PCA3: variants seen among roughly 807,000 people sequenced by gnomAD.
PCA3 encodes the protein prostate cancer associated 3, also known as Differential Display code 3.
At chr9:76,774,239 G>C (rs541546273) in intron 2 of PCA3, among the ~76,000 whole-genome samples, 1 of 150,830 alleles carries the variant, frequency 6.6e-6, no homozygotes, top group Non-Finnish European at 1.5e-5. Context: ...AGGCTCAAGC[G>C]ATCCTCCCAC....
At chr9:76,776,945 C>CAA (rs2053864046) in intron 2 of PCA3, among the ~76,000 whole-genome samples, 2 of 138,670 alleles carry the variant, frequency 1.4e-5, no homozygotes, top group Non-Finnish European at 3.1e-5. Context: ...CACACACACA[C>CAA]AAAGGGCCTG....
At chr9:76,769,652 C>T (rs368715074) in intron 2 of PCA3, among the ~76,000 whole-genome samples, 74 of 152,206 alleles carry the variant, frequency 4.9e-4, no homozygotes, top group Admixed American at 1.4e-3. Context: ...CTCGAACTCC[C>T]GACATCAGGT....
chr9:76,771,355 A>G (rs1262415706), intron 2 of PCA3, among the ~76,000 whole-genome samples: 1 of 152,218 alleles, frequency 6.6e-6, no homozygotes, highest in Non-Finnish European at 1.5e-5. Context: ...AGAGTTACAG[A>G]GTCCTCAAAA....
intron 2 of PCA3, among the ~76,000 whole-genome samples, chr9:76,780,678 A>C (rs958832863): frequency 6.6e-6 from 1 of 152,126 alleles, no homozygotes; most frequent in Admixed American, 6.5e-5. Flanking sequence ...GCGACAGAGC[A>C]AGACTCCGTC....
At chr9:76,769,686 A>T (rs2130912130) in intron 2 of PCA3, among the ~76,000 whole-genome samples, 1 of 152,318 alleles carries the variant, frequency 6.6e-6, no homozygotes, top group East Asian at 1.9e-4. Context: ...CAGGCTCCCA[A>T]AGTGCTGAGA....
intron 2 of PCA3, among the ~76,000 whole-genome samples, chr9:76,774,452 T>TTTTTTATTTATTTATTTA (rs1404326650): frequency 5.6e-5 from 6 of 107,242 alleles, no homozygotes; most frequent in Non-Finnish European, 1.2e-4. Context: ...GTTCAACCCT[T>TTTTTTATTTATTTATTTA]TTTTTTTTTT....
intron 2 of PCA3, among the ~76,000 whole-genome samples, chr9:76,777,778 T>TTA (rs1433153795): frequency 6.6e-6 from 1 of 152,192 alleles, no homozygotes; most frequent in Non-Finnish European, 1.5e-5. Context: ...AAGTATTATT[T>TTA]TATATAAGAT....
At chr9:76,774,454 T>TTTATTTATTTATTTATTTATTTATTTA (rs1564272510) in intron 2 of PCA3, among the ~76,000 whole-genome samples, 2 of 54,518 alleles carry the variant, frequency 3.7e-5, no homozygotes, top group African/African-American at 1.8e-4. Flanking sequence ...TCAACCCTTT[T>TTTATTTATTTATTTATTTATTTATTTA]TTTTTTTTTT....
chr9:76,782,698 T>G (rs2054549152), intron 2 of PCA3: 1 of 152,212 alleles, frequency 6.6e-6, no homozygotes. Context: ...AGTGTTTCAA[T>G]GAACACCAAG....
In PCA3 at chr9:76,775,304, C is replaced by CTT. The variant is rs112338922; in HGVS notation, n.853-33270_853-33269dup. On this transcript the variant is annotated intron_variant and non_coding_transcript_variant, in intron 2 of 5. Coordinates refer to ENST00000644657, the Ensembl canonical transcript of PCA3. ...CTCAGAGGACCATTTTGTACTTTGT[C>CTT]TTTTTTTTTTGAGACAAGGTCTCAC... Among the ~76,000 whole-genome samples, 713 of 149,604 alleles carry CTT rather than the reference C, an allele frequency of 4.8e-3. 4 individuals are homozygous for CTT. Among genetic ancestry groups the CTT allele is most frequent in the African/African-American group, 0.017 (678 of 40,952 alleles).
At chr9:76,768,100 C>T (rs1167278333) in intron 2 of PCA3, among the ~76,000 whole-genome samples, 3 of 152,190 alleles carry the variant, frequency 2.0e-5, no homozygotes, top group Non-Finnish European at 2.9e-5. Context: ...CATCCCAGCA[C>T]GGCTGCCTGG....
intron 2 of PCA3, among the ~76,000 whole-genome samples, chr9:76,772,072 T>C (rs990051575): frequency 6.6e-6 from 1 of 152,190 alleles, no homozygotes; most frequent in Non-Finnish European, 1.5e-5. Flanking sequence ...AATCCTGGAA[T>C]TCCACTCCTG....
At chr9:76,786,232 A>G (rs1262015912) in intron 2 of PCA3, 1 of 152,048 alleles carries the variant, frequency 6.6e-6, no homozygotes, top group Non-Finnish European at 1.5e-5. Context: ...CTTTGTGTTC[A>G]TGGATAGTCC....
intron 2 of PCA3, among the ~76,000 whole-genome samples, chr9:76,765,804 C>T (rs2052301907): frequency 6.6e-6 from 1 of 152,186 alleles, no homozygotes; most frequent in Non-Finnish European, 1.5e-5. Context: ...ACTCACTTTC[C>T]TTATCTATGA....
chr9:76,769,724 T>C (rs983520929), intron 2 of PCA3, among the ~76,000 whole-genome samples: 1 of 152,176 alleles, frequency 6.6e-6, no homozygotes, highest in African/African-American at 2.4e-5. Context: ...TTTCAATATA[T>C]GTCGTTATAT....
intron 2 of PCA3, among the ~76,000 whole-genome samples, chr9:76,767,181 G>C (rs1321357418): frequency 6.6e-6 from 1 of 152,206 alleles, no homozygotes; most frequent in Non-Finnish European, 1.5e-5. Flanking sequence ...GCCAGGCACT[G>C]TGGGTCACGC....
intron 2 of PCA3, chr9:76,785,209 G>T (rs965772608): frequency 1.4e-4 from 22 of 152,070 alleles, no homozygotes; most frequent in African/African-American, 5.1e-4. Context: ...TTCTGCCTGA[G>T]AAGCTCTTCC....
intron 2 of PCA3, among the ~76,000 whole-genome samples, chr9:76,773,332 T>C (rs1589141345): frequency 6.6e-6 from 1 of 152,062 alleles, no homozygotes; most frequent in South Asian, 2.1e-4. Context: ...GAATGAAGAA[T>C]GGGAAGAAAG....
chr9:76,767,949 A>G (rs1386555257), intron 2 of PCA3, among the ~76,000 whole-genome samples: 4 of 152,190 alleles, frequency 2.6e-5, no homozygotes, highest in African/African-American at 9.7e-5. Context: ...TGGAAGTATT[A>G]ATAATTGTAC....
Sources: allele counts gnomAD v4.1 joint callset (sites outside exome capture counted in the v4.1 genomes callset), GRCh38; gene constraint gnomAD v4.1.1; transcripts MANE v1.5; gene names NCBI Gene and HGNC (gene_info 2026-07-23, HGNC 2026-07-21).